TMEM108: variants seen among roughly 807,000 people sequenced by gnomAD.
TMEM108 encodes transmembrane protein 108.
TMEM108 carries 12 observed loss-of-function variants against 35.1 expected under a neutral mutation model. The observed-to-expected ratio is 0.34, with a 90% CI of 0.22 to 0.55. The LOEUF (loss-of-function observed/expected upper bound fraction) is 0.55, where lower values mean the gene tolerates loss of function less well. TMEM108 is among the 20% of genes least tolerant of loss of function. The pLI is 0.89. For synonymous variants in TMEM108, 287 were observed against 308.6 expected (o/e 0.93, Z 0.73); for missense variants, 680 against 753.3 (o/e 0.90, Z 1.14).
At chr3:133,317,680 C>G (rs746771084) in intron 3 of TMEM108, among the ~76,000 whole-genome samples, 13 of 152,092 alleles carry the variant, frequency 8.5e-5, no homozygotes, top group Non-Finnish European at 1.5e-4. Context: ...ATAATAAGAA[C>G]CAAAAGGGTC....
chr3:133,124,923 G>C (rs1944396447), intron 2 of TMEM108: 1 of 152,282 alleles, frequency 6.6e-6, no homozygotes, highest in South Asian at 2.1e-4. Flanking sequence ...GGCAGGAGCA[G>C]ATGAGACCCT....
chr3:133,101,654 T>C (rs1479610085), intron 2 of TMEM108, among the ~76,000 whole-genome samples: 2 of 152,236 alleles, frequency 1.3e-5, no homozygotes, highest in African/African-American at 4.8e-5. Context: ...TAATGAGAGA[T>C]TAGTATCTTA....
intron 2 of TMEM108, among the ~76,000 whole-genome samples, chr3:133,094,792 C>T (rs1279938064): frequency 1.3e-5 from 2 of 152,208 alleles, no homozygotes; most frequent in Non-Finnish European, 2.9e-5. Context: ...ATCTCTTCCA[C>T]CTACTAACTT....
chr3:133,253,425 A>C (rs748061628), intron 3 of TMEM108: 35 of 152,154 alleles, frequency 2.3e-4, no homozygotes, highest in Non-Finnish European at 5.0e-4. Context: ...CTGATTCTAG[A>C]ATTCTTAAAT....
chr3:133,185,787 T>TTC (rs1429032041), intron 2 of TMEM108, among the ~76,000 whole-genome samples: 7 of 76,206 alleles, frequency 9.2e-5, no homozygotes, highest in East Asian at 8.9e-4. Flanking sequence ...TTCTTTTCTT[T>TTC]TTTTTTTTTT....
rs1006027874 is a variant in TMEM108, at chr3:133,181,022, A to C, written c.-46-48244A>C. On this transcript the variant is annotated intron_variant, in intron 2 of 5. Coordinates refer to ENST00000321871, the MANE Select transcript of TMEM108 (RefSeq NM_023943.4). ...GGCAGTTGTGTTAAAAAAAAAAAAA[A>C]AAAAAAAAAAAAAAAACAGCACTCC... 2.1e-3 allele frequency among the ~76,000 whole-genome samples: 301 copies of C among 144,478 alleles called. 2 individuals carry two copies. Among genetic ancestry groups the C allele is most frequent in the Admixed American group, 3.3e-3 (49 of 14,744 alleles). 94.8% of individuals were successfully genotyped at this position (144,478 alleles called of 152,430 possible). A position where few individuals can be genotyped will look rare whatever the true frequency, so the allele number is the denominator to read the frequency against.
intron 2 of TMEM108, among the ~76,000 whole-genome samples, chr3:133,228,538 A>T (rs1481161165): frequency 6.6e-6 from 1 of 152,284 alleles, no homozygotes; most frequent in East Asian, 1.9e-4. Flanking sequence ...AAAGAAACAC[A>T]TTTGCCATGT....
In TMEM108 at chr3:133,150,342, G is replaced by GTTTTTTTT. The variant is rs10663538; in HGVS notation, c.-46-78915_-46-78908dup. ...CCATTTAAAAAAATCAGGTTATTTG[G>GTTTTTTTT]TTTTTTTTTTTTTTTTGCAATTGAG... is the stretch of plus-strand genomic sequence containing the variant. On this transcript the variant is annotated intron_variant, in intron 2 of 5. Transcript: ENST00000321871. Among the ~76,000 whole-genome samples, 88 of 109,672 alleles carry GTTTTTTTT rather than the reference G, an allele frequency of 8.0e-4. 5 individuals are homozygous for GTTTTTTTT. The highest frequency in any genetic ancestry group is 2.2e-3 in the African/African-American group (59 of 27,296). 71.9% of individuals were successfully genotyped at this position (109,672 alleles called of 152,430 possible). A position where few individuals can be genotyped will look rare whatever the true frequency, so the allele number is the denominator to read the frequency against.
At chr3:133,389,251 TG>T (rs966629439) in intron 4 of TMEM108, 5 of 985,310 alleles carry the variant, frequency 5.1e-6, no homozygotes, top group Admixed American at 1.2e-4. Flanking sequence ...TTCTTCCTCC[TG>T]GGCCCTGGGA....
intron 2 of TMEM108, among the ~76,000 whole-genome samples, chr3:133,219,960 C>T (rs1945963718): frequency 6.6e-6 from 1 of 151,894 alleles, no homozygotes; most frequent in Admixed American, 6.6e-5. Context: ...CCTTTCAGAT[C>T]TATTAATATT....
intron 2 of TMEM108, among the ~76,000 whole-genome samples, chr3:133,065,805 A>C (rs1943599908): frequency 6.6e-6 from 1 of 152,204 alleles, no homozygotes; most frequent in Non-Finnish European, 1.5e-5. Context: ...AGCCATTTTC[A>C]AGGCTTAAAA....
At chr3:133,155,128 A>G (rs1944861162) in intron 2 of TMEM108, among the ~76,000 whole-genome samples, 1 of 152,012 alleles carries the variant, frequency 6.6e-6, no homozygotes, top group Non-Finnish European at 1.5e-5. Context: ...CTGATCTTGC[A>G]TTCGTTTGGT....
chr3:133,205,404 G>T (rs899741741), intron 2 of TMEM108, among the ~76,000 whole-genome samples: 5 of 152,106 alleles, frequency 3.3e-5, no homozygotes, highest in African/African-American at 1.2e-4. Flanking sequence ...GGAGTGGATG[G>T]TCTTTATAAT....
At chr3:133,285,989 C>T (rs1946979235) in intron 3 of TMEM108, among the ~76,000 whole-genome samples, 1 of 152,158 alleles carries the variant, frequency 6.6e-6, no homozygotes, top group Admixed American at 6.5e-5. Flanking sequence ...AATGGTGTCC[C>T]CTCCAATAAT....
chr3:133,102,012 A>G (rs1240019491), intron 2 of TMEM108, among the ~76,000 whole-genome samples: 1 of 152,238 alleles, frequency 6.6e-6, no homozygotes, highest in Non-Finnish European at 1.5e-5. Context: ...ATCTAGCTTT[A>G]TAGAAGTACT....
chr3:133,218,510 T>A (rs1945941374), intron 2 of TMEM108, among the ~76,000 whole-genome samples: 1 of 152,008 alleles, frequency 6.6e-6, no homozygotes, highest in Non-Finnish European at 1.5e-5. Context: ...AATTTTACAT[T>A]GTTGCATATG....
intron 3 of TMEM108, among the ~76,000 whole-genome samples, chr3:133,320,054 G>A (rs536131734): frequency 1.4e-4 from 21 of 152,234 alleles, no homozygotes; most frequent in African/African-American, 5.1e-4. Context: ...GATCACTTGA[G>A]CCCAGGAGTT....
intron 3 of TMEM108, among the ~76,000 whole-genome samples, chr3:133,230,933 T>C (rs1463741324): frequency 6.6e-6 from 1 of 152,200 alleles, no homozygotes; most frequent in African/African-American, 2.4e-5. Context: ...TCTTAACACC[T>C]TGCTGTTTGC....
intron 3 of TMEM108, among the ~76,000 whole-genome samples, chr3:133,368,531 G>T (rs1024644047): frequency 6.6e-6 from 1 of 152,152 alleles, no homozygotes; most frequent in Non-Finnish European, 1.5e-5. Flanking sequence ...TTCCAGCTCA[G>T]CTTTCTCCTG....
Sources: gnomAD v4.1 joint callset for allele counts (sites outside exome capture counted in the v4.1 genomes callset) on GRCh38, gnomAD v4.1.1 for gene constraint, MANE v1.5 for transcripts, NCBI Gene and HGNC (gene_info 2026-07-23, HGNC 2026-07-21) for gene names.